The following CLCA2 variants were observed in gnomAD, a reference collection of about 807,000 sequenced individuals.
CLCA2 encodes calcium-activated chloride channel regulator 2.
A neutral mutation model predicts 82.9 loss-of-function variants in CLCA2; 85 were observed. The observed-to-expected ratio is 1.03, with a 90% confidence interval of 0.86 to 1.23. The LOEUF (loss-of-function observed/expected upper bound fraction) is 1.23, where lower values mean the gene tolerates loss of function less well. Ranked by LOEUF, CLCA2 falls within the 50% of genes most tolerant of loss-of-function variation. The probability of loss-of-function intolerance (pLI) is 0.00; values close to 1 mark genes in which losing one functional copy is unlikely to be tolerated. For missense variants in CLCA2, 1,089 were observed against 1,124.8 expected, an observed-to-expected ratio of 0.97 and a Z score of 0.45; for synonymous variants, 421 against 391.7, an observed-to-expected ratio of 1.07 and a Z score of -0.88.
rs188158533 is a variant in CLCA2, at chr1:86,452,950, G to A, written c.2156-419G>A. 3.5e-4 allele frequency among the ~76,000 whole-genome samples: 54 copies of A among 152,192 alleles called. No individual in the cohort carries two copies. In the East Asian group the frequency reaches 7.3e-3, roughly 21 times the overall value. On this transcript the variant is annotated intron_variant, in intron 12 of 13. Transcript: ENST00000370565. ...AGCACTTTGGGAGACAAAGGTGGGC[G>A]GATCACGAGGACAGGAGTTCGAGAC...
In CLCA2 at chr1:86,425,313, T is replaced by A. The variant is rs751921670; in HGVS notation, c.187-26T>A. On this transcript the variant is annotated intron_variant, in intron 1 of 13. Coordinates refer to ENST00000370565, the MANE Select transcript of CLCA2 (RefSeq NM_006536.7). ...CATACAGGATTTACAAGTGGTAAAG[T>A]AAGTTTTTCTTTTGTCTGGCTGTAG... 5.3e-6 allele frequency: 8 copies of A among 1,516,332 alleles called. No individual in the cohort carries two copies. In the South Asian group the frequency reaches 1.0e-4, roughly 20 times the overall value. The allele number at this position is 1,516,332 out of a possible 1,614,324, so 93.9% of individuals were successfully genotyped here. A position where few individuals can be genotyped will look rare whatever the true frequency, so the allele number is the denominator to read the frequency against.
intron 13 of CLCA2, among the ~76,000 whole-genome samples, chr1:86,454,414 T>C (rs2101714728): frequency 6.6e-6 from 1 of 152,320 alleles, no homozygotes; most frequent in African/African-American, 2.4e-5. Context: ...TTAGACTTTA[T>C]ATGCTCATTT....
At chr1:86,454,800 CAAAACA>C (rs1000386797) in intron 13 of CLCA2, among the ~76,000 whole-genome samples, 4 of 148,888 alleles carry the variant, frequency 2.7e-5, no homozygotes, top group Admixed American at 6.7e-5. Context: ...TCAAACAAAA[CAAAACA>C]AAAACAAAAA....
intron 6 of CLCA2, among the ~76,000 whole-genome samples, chr1:86,437,905 A>C (rs913184833): frequency 6.6e-6 from 1 of 152,218 alleles, no homozygotes; most frequent in African/African-American, 2.4e-5. Flanking sequence ...GCTAAAAAAA[A>C]AAAGTAATTT....
chr1:86,453,423 G>A lies in CLCA2; in HGVS notation c.2210G>A (p.Arg737Gln), dbSNP rs753707985. The A allele has an allele frequency of 9.9e-6, 16 of 1,613,944 alleles. No individual in the cohort carries two copies. Among genetic ancestry groups the A allele is most frequent in the East Asian group, 4.5e-5 (2 of 44,882 alleles). The change falls in exon 13 of 14, where the codon CGA becomes CAA. Residue 737 changes from arginine (R) to glutamine (Q), a missense_variant. Physicochemically the swap from Arg to Gln is conservative, Grantham distance 43 (BLOSUM62 1). Transcript: ENST00000370565. ...TCAGTAGGCAGAAATGAGGAGGAGC[G>A]AAAGTGGGGCTTTAGCCGAGTCAGC... ...RKSVGRNEEE[R>Q]KWGFSRVSSG... is the part of the protein sequence containing the mutation.
At position 86,450,555 on chromosome 1, in the gene CLCA2, A is replaced by G; in HGVS notation, c.1985-8A>G. On this transcript the variant is annotated splice_polypyrimidine_tract_variant and splice_region_variant and intron_variant, in intron 11 of 13. Transcript: ENST00000370565. ...CAAGTGTTGACACTGTGTTTTTTAT[A>G]TATACAGGTGCTGATGTTATAAAAA... is the stretch of plus-strand genomic sequence containing the variant. 1 of 1,603,816 alleles carries G rather than the reference A, an allele frequency of 6.2e-7. No individual in the cohort carries two copies. The highest frequency in any genetic ancestry group is 8.5e-7 in the Non-Finnish European group (1 of 1,174,182).
chr1:86,452,322 C>G (rs554518179), intron 12 of CLCA2, among the ~76,000 whole-genome samples: 1 of 152,036 alleles, frequency 6.6e-6, no homozygotes, highest in African/African-American at 2.4e-5. Context: ...CACACCATCT[C>G]CCATCCCAAG....
In CLCA2 at chr1:86,432,505, A is replaced by G. The variant is rs777906039; in HGVS notation, c.721A>G (p.Met241Val). Residue 241 changes from methionine (M) to valine (V), a missense_variant, in exon 5 of 14, where the codon ATG (methionine) becomes GTG (valine). By Grantham distance (21) the Met-to-Val change is conservative (BLOSUM62 1). Transcript: ENST00000370565. ...NSTQNATASI[M>V]FMQSLSSVVE... The stretch of plus-strand genomic sequence containing the variant: ...CACCCAAAATGCAACTGCATCAATA[A>G]TGTTCATGCAAAGTTTATCTTCTGT... 8 of 1,613,824 alleles carry G rather than the reference A, an allele frequency of 5.0e-6. No homozygotes were observed. The Admixed American group carries it at 1.3e-4, about 27-fold the overall frequency.
intron 10 of CLCA2, among the ~76,000 whole-genome samples, chr1:86,444,721 A>G (rs1212262707): frequency 6.6e-6 from 1 of 152,206 alleles, no homozygotes; most frequent in East Asian, 1.9e-4. Context: ...CAGGAGCTGT[A>G]TTAGCAAGGG....
intron 10 of CLCA2, among the ~76,000 whole-genome samples, chr1:86,446,338 G>A (rs72951859): frequency 0.019 from 2,778 of 148,576 alleles, 98 homozygotes; most frequent in African/African-American, 0.066. Flanking sequence ...TAACTTCTTC[G>A]ATGCTCTGCT....
intron 6 of CLCA2, among the ~76,000 whole-genome samples, chr1:86,436,113 C>A (rs1439469693): frequency 6.6e-6 from 1 of 152,200 alleles, no homozygotes; most frequent in Non-Finnish European, 1.5e-5. Context: ...TAATGGCCAG[C>A]AAAGCCTAAA....
chr1:86,454,905 C>T lies in CLCA2; in HGVS notation c.2390-180C>T, dbSNP rs1663042934. On this transcript the variant is annotated intron_variant, in intron 13 of 13. Transcript: ENST00000370565. ...TTGCTTTTCAAAAAAAAAAAAAATC[C>T]TTGGATTTTAATATGAGTCCTTGTG... Among the ~76,000 whole-genome samples, 3 of 150,616 alleles carry T rather than the reference C, an allele frequency of 2.0e-5. No homozygotes were observed. The East Asian group carries it at 5.8e-4, about 29-fold the overall frequency.
chr1:86,455,295 G>C lies in CLCA2; in HGVS notation c.2600G>C (p.Arg867Pro), dbSNP rs371662559. Reference protein sequence around the residue: ...HESHRIYVAIRAMDRNSLQSA... With the variant: ...HESHRIYVAIPAMDRNSLQSA... ...AGCCACAGAATTTATGTTGCAATAC[G>C]AGCAATGGATAGGAACTCCTTACAG... The change falls in exon 14 of 14, where the codon CGA (arginine) becomes CCA (proline). Residue 867 changes from arginine to proline, a missense_variant. By Grantham distance (103) the Arg-to-Pro change is moderately radical. Transcript: ENST00000370565. The C allele has an allele frequency of 1.2e-5, 20 of 1,614,018 alleles. No individual in the cohort carries two copies. Among genetic ancestry groups the C allele is most frequent in the Non-Finnish European group, 1.7e-5 (20 of 1,179,980 alleles).
In CLCA2 at chr1:86,430,931, C is replaced by T; in HGVS notation, c.545C>T (p.Pro182Leu). Reference sequence around the variant, plus strand: ...TTCGATGAGTATAACAATGACAAACCTTTCTACATAAATGGGCAAAATCAA... The same window carrying T: ...TTCGATGAGTATAACAATGACAAACTTTTCTACATAAATGGGCAAAATCAA... ...GVFDEYNNDK[P>L]FYINGQNQIK... The change falls in exon 4 of 14, where the codon CCT becomes CTT. Residue 182 changes from proline to leucine, a missense_variant. Pro to Leu is a moderately conservative substitution (Grantham distance 98). Coordinates refer to ENST00000370565, the MANE Select transcript of CLCA2 (RefSeq NM_006536.7). 1.2e-6 allele frequency: 2 copies of T among 1,613,056 alleles called. No individual in the cohort carries two copies. The highest frequency in any genetic ancestry group is 8.5e-7 in the Non-Finnish European group (1 of 1,179,508).
rs779573388 is a variant in CLCA2 at position 86,455,099 on chromosome 1, A to T, written c.2404A>T (p.Ile802Leu). 2 of 1,542,732 alleles carry T rather than the reference A, an allele frequency of 1.3e-6. No homozygotes were observed. Among genetic ancestry groups the T allele is most frequent in the Non-Finnish European group, 8.8e-7 (1 of 1,141,958 alleles). ...TTTAATTTCAGCTACAAGCTATGAAATAAGAATGAGTAAAAGTCTACAGAA... is the reference window on the plus strand; with the variant it reads ...TTTAATTTCAGCTACAAGCTATGAATTAAGAATGAGTAAAAGTCTACAGAA... Reference protein sequence around the residue: ...FDQGQATSYEIRMSKSLQNIQ... With the variant: ...FDQGQATSYELRMSKSLQNIQ... Residue 802 changes from isoleucine (I) to leucine (L), a missense_variant, in exon 14 of 14, where the codon ATA becomes TTA. Coordinates refer to ENST00000370565, the MANE Select transcript of CLCA2 (RefSeq NM_006536.7).
At chr1:86,434,393 T>A (rs1662557809) in intron 5 of CLCA2, 125 bp from the exon 6 acceptor site, 1 of 724,242 alleles carries the variant, frequency 1.4e-6, no homozygotes, top group Admixed American at 2.6e-5. Context: ...GGTATATCAC[T>A]GTACCACTTT....
rs1662794084 is a variant in CLCA2, at chr1:86,443,937, A to G, written c.1639A>G (p.Lys547Glu). ...EIILFDPDGRKYYTNNFITNL... is the reference protein window; with the variant it reads ...EIILFDPDGREYYTNNFITNL... ...TATATTATTTGATCCTGATGGACGA[A>G]AATACTACACAAATAATTTTATCAC... Residue 547 changes from lysine (K) to glutamate (E), a missense_variant, in exon 10 of 14, where the codon AAA (lysine) becomes GAA (glutamate). By Grantham distance (56) the Lys-to-Glu change is moderately conservative (BLOSUM62 1). Coordinates refer to ENST00000370565, the MANE Select transcript of CLCA2 (RefSeq NM_006536.7). 6.2e-7 allele frequency: 1 copy of G among 1,613,576 alleles called. No homozygotes were observed. The highest frequency in any genetic ancestry group is 8.5e-7 in the Non-Finnish European group (1 of 1,179,640).
intron 7 of CLCA2, among the ~76,000 whole-genome samples, chr1:86,439,858 C>G (rs1457258142): frequency 6.6e-6 from 1 of 152,156 alleles, no homozygotes; most frequent in Non-Finnish European, 1.5e-5. Context: ...CTTACTGGAT[C>G]TCAGAGGCAA....
At chr1:86,439,550 G>T (rs11807082) in intron 7 of CLCA2, among the ~76,000 whole-genome samples, 15,816 of 152,210 alleles carry the variant, frequency 0.1, 975 homozygotes, top group African/African-American at 0.16. Flanking sequence ...AAGGCCAGAA[G>T]TGTGTTTCAG....
Sources: gnomAD v4.1 joint callset for allele counts (sites outside exome capture counted in the v4.1 genomes callset) on GRCh38, gnomAD v4.1.1 for gene constraint, MANE v1.5 for transcripts, NCBI Gene and HGNC (gene_info 2026-07-23, HGNC 2026-07-21) for gene names.